Variants in PVT1 observed in about 807,000 individuals in gnomAD.
PVT1 encodes the protein Pvt1 oncogene, also known as CXCR4/PVT1 fusion.
intron 3 of PVT1, among the ~76,000 whole-genome samples, chr8:127,962,536 A>C (rs891115621): frequency 2.0e-5 from 3 of 152,036 alleles, no homozygotes; most frequent in Non-Finnish European, 2.9e-5. Flanking sequence ...CATCCCTCTT[A>C]AGGCCTAGGG....
chr8:128,068,195 T>G (rs1813935142), intron 4 of PVT1, among the ~76,000 whole-genome samples: 2 of 152,054 alleles, frequency 1.3e-5, no homozygotes, highest in Non-Finnish European at 2.9e-5. Context: ...CATTTTCATT[T>G]GTTGTTCCTG....
intron 3 of PVT1, among the ~76,000 whole-genome samples, chr8:127,954,351 G>A (rs1816543832): frequency 7.0e-6 from 1 of 141,984 alleles, no homozygotes; most frequent in Non-Finnish European, 1.5e-5. Flanking sequence ...CTAGAGTGCA[G>A]TGGCGCCATC....
chr8:127,872,114 C>G (rs1326467095), intron 2 of PVT1, among the ~76,000 whole-genome samples: 1 of 147,502 alleles, frequency 6.8e-6, no homozygotes, highest in African/African-American at 2.5e-5. Flanking sequence ...AACAAAAGAA[C>G]CCTCAAAAAA....
intron 3 of PVT1, among the ~76,000 whole-genome samples, chr8:127,895,992 A>G (rs1002061671): frequency 4.6e-5 from 7 of 152,262 alleles, no homozygotes; most frequent in African/African-American, 1.7e-4. Flanking sequence ...AATAAAGGAA[A>G]CATGTTTGTC....
chr8:127,932,864 T>G (rs1475883276), intron 3 of PVT1, among the ~76,000 whole-genome samples: 1 of 152,194 alleles, frequency 6.6e-6, no homozygotes, highest in Non-Finnish European at 1.5e-5. Context: ...TGGAGTGTTG[T>G]GCCAGGTCAT....
chr8:127,922,699 A>G (rs951456892), intron 3 of PVT1, among the ~76,000 whole-genome samples: 2 of 152,208 alleles, frequency 1.3e-5, no homozygotes, highest in Non-Finnish European at 2.9e-5. Flanking sequence ...CAGTGGTAGG[A>G]AGGGAAGGCG....
chr8:127,814,043 A>G (rs935099552), intron 2 of PVT1, among the ~76,000 whole-genome samples: 2 of 152,188 alleles, frequency 1.3e-5, no homozygotes, highest in African/African-American at 4.8e-5. Flanking sequence ...TTGACCTCCC[A>G]AAGTGCTGGG....
intron 2 of PVT1, among the ~76,000 whole-genome samples, chr8:127,876,740 A>G (rs1220406559): frequency 6.6e-6 from 1 of 152,130 alleles, no homozygotes; most frequent in African/African-American, 2.4e-5. Flanking sequence ...AGTTTTCCAC[A>G]ACTCCTGTCC....
chr8:128,039,650 C>T lies in PVT1; in HGVS notation n.913-30510C>T, dbSNP rs536253488. 1.4e-4 allele frequency among the ~76,000 whole-genome samples: 22 copies of T among 152,294 alleles called. No homozygotes were observed. The South Asian group carries it at 3.9e-3, about 27-fold the overall frequency. On this transcript the variant is annotated intron_variant and non_coding_transcript_variant, in intron 4 of 10. Coordinates refer to ENST00000651587, the Ensembl canonical transcript of PVT1. Reference sequence around the variant, plus strand: ...GGCTCAGAGGGAGTCTTGGTAAGGACTTTGGCTCTTTCTCTGTTGAGATGG... The same window carrying T: ...GGCTCAGAGGGAGTCTTGGTAAGGATTTTGGCTCTTTCTCTGTTGAGATGG...
intron 3 of PVT1, among the ~76,000 whole-genome samples, chr8:127,908,745 T>C (rs1012174497): frequency 6.6e-6 from 1 of 152,180 alleles, no homozygotes; most frequent in Non-Finnish European, 1.5e-5. Context: ...TGGTGGACTT[T>C]GAGTCGGATG....
intron 3 of PVT1, among the ~76,000 whole-genome samples, chr8:127,942,738 C>T (rs1400242239): frequency 2.6e-5 from 4 of 152,180 alleles, no homozygotes; most frequent in Non-Finnish European, 5.9e-5. Flanking sequence ...GAGCCTCCAG[C>T]TTTATTTTCT....
intron 3 of PVT1, among the ~76,000 whole-genome samples, chr8:127,931,248 A>G (rs1186057135): frequency 6.6e-6 from 1 of 151,912 alleles, no homozygotes; most frequent in Non-Finnish European, 1.5e-5. Flanking sequence ...CTCCTCTGTT[A>G]TTTGCTCCCA....
intron 4 of PVT1, among the ~76,000 whole-genome samples, chr8:128,050,079 A>G (rs1386206983): frequency 6.6e-6 from 1 of 152,182 alleles, no homozygotes; most frequent in Non-Finnish European, 1.5e-5. Context: ...AGTTTTGGGA[A>G]GTCCTGGCCT....
At chr8:128,067,561 G>C (rs990003359) in intron 4 of PVT1, among the ~76,000 whole-genome samples, 1 of 152,230 alleles carries the variant, frequency 6.6e-6, no homozygotes, top group African/African-American at 2.4e-5. Flanking sequence ...GATGAGACTA[G>C]GCAGCAATTC....
chr8:127,839,497 C>A (rs908616031), intron 2 of PVT1, among the ~76,000 whole-genome samples: 1 of 150,138 alleles, frequency 6.7e-6, no homozygotes, highest in South Asian at 2.1e-4. Flanking sequence ...CTGCAGTGAG[C>A]CGTGATTGTG....
intron 2 of PVT1, among the ~76,000 whole-genome samples, chr8:127,816,190 A>G (rs941843445): frequency 3.3e-5 from 5 of 152,220 alleles, no homozygotes; most frequent in East Asian, 1.9e-4. Context: ...GTAAATACCC[A>G]TGACCTCTCC....
At chr8:128,061,494 T>C (rs56078406) in intron 4 of PVT1, among the ~76,000 whole-genome samples, 7,179 of 152,286 alleles carry the variant, frequency 0.047, 272 homozygotes, top group African/African-American at 0.1. Flanking sequence ...AGGTATGTTT[T>C]CATTTGTCTT....
intron 3 of PVT1, among the ~76,000 whole-genome samples, chr8:127,938,876 G>A (rs1450670055): frequency 6.6e-6 from 1 of 152,244 alleles, no homozygotes; most frequent in Non-Finnish European, 1.5e-5. Flanking sequence ...AGTTGGTTGA[G>A]CGTCTCCTTT....
chr8:128,085,539 G>C (rs955183467), intron 5 of PVT1, among the ~76,000 whole-genome samples: 1 of 152,000 alleles, frequency 6.6e-6, no homozygotes, highest in Non-Finnish European at 1.5e-5. Context: ...TGTAAGTTAA[G>C]AGTGATAACA....
Sources: allele counts gnomAD v4.1 joint callset (sites outside exome capture counted in the v4.1 genomes callset), GRCh38; gene constraint gnomAD v4.1.1; transcripts MANE v1.5; gene names NCBI Gene and HGNC (gene_info 2026-07-23, HGNC 2026-07-21).